The following IL1RAPL1 variants were observed in gnomAD, a reference collection of about 807,000 sequenced individuals.
The protein encoded by IL1RAPL1 is interleukin 1 receptor accessory protein like 1.
Under a neutral mutation model 48.4 loss-of-function variants are expected in IL1RAPL1, and 3 were observed. That is an observed-to-expected ratio of 0.06 (90% CI 0.03 to 0.16). IL1RAPL1 has a LOEUF of 0.16. Ranked by LOEUF, IL1RAPL1 falls within the 10% of genes least tolerant of loss-of-function variation. The pLI is 1.00. For synonymous variants in IL1RAPL1, 185 were observed against 187.7 expected (o/e 0.99, Z 0.12); for missense variants, 349 against 530.6 (o/e 0.66, Z 3.36).
chrX:28,896,498 CTA>C (rs961650991), intron 2 of IL1RAPL1, among the ~76,000 whole-genome samples: 5 of 111,340 alleles, frequency 4.5e-5, no homozygotes, highest in African/African-American at 1.6e-4. Flanking sequence ...TTAGCCTTGA[CTA>C]TGCCTTTAGC....
intron 6 of IL1RAPL1, among the ~76,000 whole-genome samples, chrX:29,784,749 GTTAGTTAA>G (rs1929453244): frequency 9.1e-6 from 1 of 109,973 alleles, no homozygotes; most frequent in Non-Finnish European, 1.9e-5. Flanking sequence ...TTTTGTTCCA[GTTAGTTAA>G]TTCTTCCCTA....
At chrX:29,180,224 A>G (rs1346129266) in intron 2 of IL1RAPL1, among the ~76,000 whole-genome samples, 1 of 110,601 alleles carries the variant, frequency 9.0e-6, no homozygotes, top group Non-Finnish European at 1.9e-5. Context: ...TGTCAAAAAA[A>G]AAAATTGAGG....
intron 2 of IL1RAPL1, among the ~76,000 whole-genome samples, chrX:29,280,836 G>A (rs1484797056): frequency 8.9e-6 from 1 of 111,787 alleles, no homozygotes; most frequent in Non-Finnish European, 1.9e-5. Flanking sequence ...AAGGCAAAAG[G>A]CCTCTCTGAG....
intron 5 of IL1RAPL1, among the ~76,000 whole-genome samples, chrX:29,442,664 TG>T (rs2147720106): frequency 9.0e-6 from 1 of 110,778 alleles, no homozygotes; most frequent in African/African-American, 3.3e-5. Context: ...GAAACCAGCT[TG>T]TGCGATACAG....
chrX:29,393,577 A>G (rs934080334), intron 3 of IL1RAPL1, among the ~76,000 whole-genome samples: 1 of 111,605 alleles, frequency 9.0e-6, no homozygotes, highest in African/African-American at 3.3e-5. Context: ...ATACAAAGAG[A>G]TATAGTACAA....
intron 2 of IL1RAPL1, among the ~76,000 whole-genome samples, chrX:28,965,812 A>G (rs1337248283): frequency 8.9e-6 from 1 of 112,241 alleles, no homozygotes; most frequent in Non-Finnish European, 1.9e-5. Flanking sequence ...GCCATCTATC[A>G]TAAAGAGTGC....
intron 5 of IL1RAPL1, among the ~76,000 whole-genome samples, chrX:29,634,586 C>T (rs1419244584): frequency 9.0e-6 from 1 of 111,444 alleles, no homozygotes; most frequent in Non-Finnish European, 1.9e-5. Context: ...GCAGAAAACA[C>T]TCCAACCCAA....
At chrX:29,638,636 T>A (rs1027033524) in intron 5 of IL1RAPL1, among the ~76,000 whole-genome samples, 3 of 112,080 alleles carry the variant, frequency 2.7e-5, no homozygotes, top group Non-Finnish European at 5.6e-5. Context: ...ATGAATACTT[T>A]TGCAAATACA....
chrX:29,459,223 A>G (rs1934774983), intron 5 of IL1RAPL1, among the ~76,000 whole-genome samples: 1 of 111,941 alleles, frequency 8.9e-6, no homozygotes, highest in Non-Finnish European at 1.9e-5. Flanking sequence ...TTTCTGGTGG[A>G]CAGAATGTGG....
intron 6 of IL1RAPL1, among the ~76,000 whole-genome samples, chrX:29,741,308 T>C (rs1236530054): frequency 8.9e-6 from 1 of 112,076 alleles, no homozygotes. Context: ...TTTAAAGTTT[T>C]AATTTGAAAA....
chrX:29,418,883 A>G (rs1934256678), intron 5 of IL1RAPL1, among the ~76,000 whole-genome samples: 1 of 112,317 alleles, frequency 8.9e-6, no homozygotes, highest in Non-Finnish European at 1.9e-5. Flanking sequence ...AATAAACCCA[A>G]TAGTGTTGAC....
chrX:28,826,303 A>T (rs1564643), intron 2 of IL1RAPL1, among the ~76,000 whole-genome samples: 6,715 of 111,163 alleles, frequency 0.06, 401 homozygotes, highest in East Asian at 0.24. Flanking sequence ...TAAAATGTAA[A>T]TTTTAATTTC....
At chrX:29,934,334 T>C (rs756281577) in intron 8 of IL1RAPL1, among the ~76,000 whole-genome samples, 2 of 111,896 alleles carry the variant, frequency 1.8e-5, no homozygotes, top group Non-Finnish European at 3.8e-5. Context: ...GTAAATCAGC[T>C]AAGAGATCCT....
At chrX:29,682,817 G>T (rs1367357743) in intron 6 of IL1RAPL1, among the ~76,000 whole-genome samples, 1 of 111,953 alleles carries the variant, frequency 8.9e-6, no homozygotes, top group Non-Finnish European at 1.9e-5. Flanking sequence ...AAAACTGTTG[G>T]TTTTGATTTA....
chrX:29,444,313 G>A, intron 5 of IL1RAPL1, among the ~76,000 whole-genome samples: 1 of 103,821 alleles, frequency 9.6e-6, no homozygotes, highest in Non-Finnish European at 2.0e-5. Context: ...TTGCACTCTA[G>A]CCTGGGCGAC....
chrX:29,411,572 C>T (rs1279712636), intron 5 of IL1RAPL1, among the ~76,000 whole-genome samples: 1 of 111,342 alleles, frequency 9.0e-6, no homozygotes, highest in Non-Finnish European at 1.9e-5. Flanking sequence ...CAGTGTAATC[C>T]AACGGATTGC....
chrX:29,258,718 GA>G (rs1433616724), intron 2 of IL1RAPL1, among the ~76,000 whole-genome samples: 1 of 110,730 alleles, frequency 9.0e-6, no homozygotes, highest in African/African-American at 3.3e-5. Flanking sequence ...GCTATATTAA[GA>G]AGAAAAAATA....
chrX:29,884,080 A>C, intron 6 of IL1RAPL1, among the ~76,000 whole-genome samples: 1 of 111,595 alleles, frequency 9.0e-6, no homozygotes, highest in Non-Finnish European at 1.9e-5. Context: ...GTAGACACAC[A>C]TTTCTCAAAA....
intron 5 of IL1RAPL1, among the ~76,000 whole-genome samples, chrX:29,447,393 C>T (rs1401285622): frequency 9.1e-6 from 1 of 109,959 alleles, no homozygotes; most frequent in Non-Finnish European, 1.9e-5. Context: ...TTTATTTCCT[C>T]TGAAGAGGGA....
Sources: gnomAD v4.1 joint callset for allele counts (sites outside exome capture counted in the v4.1 genomes callset) on GRCh38, gnomAD v4.1.1 for gene constraint, MANE v1.5 for transcripts, NCBI Gene and HGNC (gene_info 2026-07-23, HGNC 2026-07-21) for gene names.